The following DOK7 variants were observed in gnomAD, a reference collection of about 807,000 sequenced individuals.
DOK7 encodes protein Dok-7.
Under a neutral mutation model 30.7 loss-of-function variants are expected in DOK7, and 32 were observed. That is an observed-to-expected ratio of 1.04 (90% CI 0.79 to 1.40). DOK7 has a LOEUF of 1.40. DOK7 is among the 40% of genes most tolerant of loss of function. DOK7 has a pLI of 0.00. For missense variants in DOK7, 1,007 were observed against 699.2 expected (o/e 1.44, Z -4.97); for synonymous variants, 447 against 324.1 (o/e 1.38, Z -4.07).
In DOK7 at chr4:3,473,644, ACG is replaced by A; in HGVS notation, c.331+9_331+10del. On this transcript the variant is annotated intron_variant, in intron 3 of 6. Coordinates refer to ENST00000340083, the MANE Select transcript of DOK7 (RefSeq NM_173660.5). ...GCTATGCGCTCGGCGAGGGTGAGTGACGGGGGCCGGGGCCGGGCGGGGGCTCC... is the reference window on the plus strand; with the variant it reads ...GCTATGCGCTCGGCGAGGGTGAGTGAGGGGCCGGGGCCGGGCGGGGGCTCC... 1 of 1,546,300 alleles carries A rather than the reference ACG, an allele frequency of 6.5e-7. No homozygotes were observed. Among genetic ancestry groups the A allele is most frequent in the Non-Finnish European group, 8.8e-7 (1 of 1,140,720 alleles).
intron 5 of DOK7, among the ~76,000 whole-genome samples, chr4:3,489,000 G>A (rs374800699): frequency 1.3e-5 from 2 of 152,234 alleles, no homozygotes; most frequent in African/African-American, 4.8e-5. Flanking sequence ...GTGCTGAGGG[G>A]CCAGTGAGAG....
intron 5 of DOK7, among the ~76,000 whole-genome samples, chr4:3,487,242 G>A (rs946473803): frequency 2.6e-5 from 4 of 152,196 alleles, no homozygotes; most frequent in Non-Finnish European, 5.9e-5. Flanking sequence ...GTTGAGCTGG[G>A]ACACTATGCT....
At chr4:3,492,138 G>C (rs1728506708) in intron 6 of DOK7, among the ~76,000 whole-genome samples, 1 of 152,246 alleles carries the variant, frequency 6.6e-6, no homozygotes, top group Non-Finnish European at 1.5e-5. Context: ...TTTCCCAAGA[G>C]CACGGGAGGG....
intron 1 of DOK7, 35 bp downstream of exon 1, chr4:3,463,464 G>T: frequency 7.2e-7 from 1 of 1,386,552 alleles, no homozygotes. Flanking sequence ...GGGGGGGGGC[G>T]CGGGCGCGGG....
rs760545801 is a variant in DOK7, at chr4:3,485,627, G to A, written c.621G>A (p.Lys207=). The stretch of plus-strand genomic sequence containing the variant: ...TCGTCCGAGGCATCTCCCCCACCAA[G>A]GGCCCCTTTGGGCTGCGGCCGGTTC... ...DCIVRGISPT[K]GPFGLRPVLP... Residue 207 remains lysine (K), a synonymous_variant, in exon 5 of 7, where the codon AAG becomes AAA. Transcript: ENST00000340083. 1.2e-6 allele frequency: 2 copies of A among 1,603,674 alleles called. No individual in the cohort carries two copies. The highest frequency in any genetic ancestry group is 1.7e-5 in the Admixed American group (1 of 59,312).
chr4:3,499,501 G>A (rs1361056058), intron 6 of DOK7, among the ~76,000 whole-genome samples: 2 of 152,292 alleles, frequency 1.3e-5, no homozygotes, highest in South Asian at 2.1e-4. Context: ...AGGAGGGGCC[G>A]GTGTGCGTCC....
rs752697661 is a variant in DOK7 at position 3,473,540 on chromosome 4, G to C, written c.235G>C (p.Ala79Pro). Reference protein sequence around the residue: ...LPYEGLVHTLAIVCLSQAIML... With the variant: ...LPYEGLVHTLPIVCLSQAIML... ...CTACGAGGGCCTGGTCCACACGCTG[G>C]CCATTGTCTGCCTGTCCCAGGCCAT... The change falls in exon 3 of 7, where the codon GCC becomes CCC. Residue 79 changes from alanine (A) to proline (P), a missense_variant. By Grantham distance (27) the Ala-to-Pro change is conservative (BLOSUM62 -1). Coordinates refer to ENST00000340083, the MANE Select transcript of DOK7 (RefSeq NM_173660.5). 3 of 1,610,872 alleles carry C rather than the reference G, an allele frequency of 1.9e-6. No homozygotes were observed. Among genetic ancestry groups the C allele is most frequent in the Non-Finnish European group, 2.5e-6 (3 of 1,179,602 alleles).
exon 7 of DOK7, chr4:3,500,403 G>A: frequency 1.3e-6 from 2 of 1,535,836 alleles, no homozygotes; most frequent in Non-Finnish European, 1.7e-6. Flanking sequence ...GGGTGTCCGA[G>A]GTGGGTCCCC....
Position 3,473,314 on chromosome 4 carries a change from C to T in DOK7, c.101-92C>T, listed in dbSNP as rs1163891005. On this transcript the variant is annotated intron_variant, in intron 2 of 6. Coordinates refer to ENST00000340083, the MANE Select transcript of DOK7 (RefSeq NM_173660.5). ...CTGGCTTGAGGTCATGACCCCAGCC[C>T]GGGTCTCTGCACTGTCACGGCCTCC... 1.4e-5 allele frequency: 18 copies of T among 1,306,814 alleles called. No individual in the cohort carries two copies. In the East Asian group the frequency reaches 2.5e-4, roughly 18 times the overall value. 81.0% of individuals were successfully genotyped at this position (1,306,814 alleles called of 1,614,324 possible). A position where few individuals can be genotyped will look rare whatever the true frequency, so the allele number is the denominator to read the frequency against.
intron 6 of DOK7, among the ~76,000 whole-genome samples, chr4:3,490,368 TTCCTTCCCCCCACCC>T (rs1728204194): frequency 1.6e-5 from 1 of 61,510 alleles, no homozygotes; most frequent in Non-Finnish European, 3.0e-5. Flanking sequence ...CATTCATTCC[TTCCTTCCCCCCACCC>T]CCTGCTCATT....
In DOK7 at chr4:3,493,412, G is replaced by A; in HGVS notation, c.1426G>A (p.Glu476Lys). The A allele has an allele frequency of 6.3e-7, 1 of 1,598,372 alleles. No homozygotes were observed. Among genetic ancestry groups the A allele is most frequent in the Non-Finnish European group, 8.5e-7 (1 of 1,172,826 alleles). Residue 476 changes from glutamate (E) to lysine (K), a missense_variant, in exon 7 of 7, where the codon GAA (glutamate) becomes AAA (lysine). Glu to Lys is a moderately conservative substitution (Grantham distance 56). Coordinates refer to ENST00000340083, the MANE Select transcript of DOK7 (RefSeq NM_173660.5). ...TGGCCCTGCCCCTGGCGAGCCCTGGGAAGCAGGCGGCCCCCACGCGGGGCC... is the reference window on the plus strand; with the variant it reads ...TGGCCCTGCCCCTGGCGAGCCCTGGAAAGCAGGCGGCCCCCACGCGGGGCC... ...LPGPAPGEPW[E>K]AGGPHAGPPP...
intron 6 of DOK7, among the ~76,000 whole-genome samples, chr4:3,490,490 CTTCCTTTTCCCCCTGCTCATTCT>C (rs1728251036): frequency 7.4e-6 from 1 of 135,178 alleles, no homozygotes; most frequent in Non-Finnish European, 1.6e-5. Flanking sequence ...TCATTCATTC[CTTCCTTTTCCCCCTGCTCATTCT>C]TTCCTTCACC....
At chr4:3,481,006 T>C (rs1577159266) in intron 4 of DOK7, among the ~76,000 whole-genome samples, 1 of 150,504 alleles carries the variant, frequency 6.6e-6, no homozygotes, top group Non-Finnish European at 1.5e-5. Flanking sequence ...TGTCAGAGGG[T>C]AAGGGGTGGA....
downstream of DOK7, among the ~76,000 whole-genome samples, chr4:3,499,354 G>A (rs1190709446): frequency 6.6e-6 from 1 of 152,186 alleles, no homozygotes; most frequent in Non-Finnish European, 1.5e-5. Context: ...GGGGGGACTT[G>A]CTGTCACCTC....
chr4:3,493,614 C>T lies in DOK7; in HGVS notation c.*113C>T, dbSNP rs549711473. The T allele has an allele frequency of 7.3e-5, 110 of 1,507,342 alleles. No individual in the cohort carries two copies. The highest frequency in any genetic ancestry group is 4.6e-4 in the Middle Eastern group (2 of 4,350). The allele number at this position is 1,507,342 out of a possible 1,614,324, so 93.4% of individuals were successfully genotyped here. A position where few individuals can be genotyped will look rare whatever the true frequency, so the allele number is the denominator to read the frequency against. Reference sequence around the variant, plus strand: ...GTGCTCTGTGTTCTGTGGGAGGGACCGGGGGTCTCCCGGAGAGGGGAGCTG... The same window carrying T: ...GTGCTCTGTGTTCTGTGGGAGGGACTGGGGGTCTCCCGGAGAGGGGAGCTG... On this transcript the variant is annotated 3_prime_UTR_variant, in exon 7 of 7. Transcript: ENST00000340083.
At chr4:3,477,490 G>A (rs780320906) in intron 4 of DOK7, among the ~76,000 whole-genome samples, 5 of 152,268 alleles carry the variant, frequency 3.3e-5, no homozygotes, top group Admixed American at 6.5e-5. Flanking sequence ...GCTGGGGCAC[G>A]GGCGCAAGCC....
chr4:3,493,846 G>C lies in DOK7; in HGVS notation c.*345G>C, dbSNP rs1577185600. 2 of 1,183,890 alleles carry C rather than the reference G, an allele frequency of 1.7e-6. No homozygotes were observed. The highest frequency in any genetic ancestry group is 2.1e-6 in the Non-Finnish European group (2 of 955,028). The allele number at this position is 1,183,890 out of a possible 1,614,324, so 73.3% of individuals were successfully genotyped here. A position where few individuals can be genotyped will look rare whatever the true frequency, so the allele number is the denominator to read the frequency against. Reference sequence around the variant, plus strand: ...TGCACTGGGGTGCCAAGGGCTGGAGGCCCTGCCGCTGGCCTTGTCCTCCTT... The same window carrying C: ...TGCACTGGGGTGCCAAGGGCTGGAGCCCCTGCCGCTGGCCTTGTCCTCCTT... On this transcript the variant is annotated 3_prime_UTR_variant, in exon 7 of 7. Coordinates refer to ENST00000340083, the MANE Select transcript of DOK7 (RefSeq NM_173660.5).
At chr4:3,495,095 C>G (rs1362543914), downstream of DOK7, among the ~76,000 whole-genome samples, 1 of 152,136 alleles carries the variant, frequency 6.6e-6, no homozygotes, top group Non-Finnish European at 1.5e-5. Context: ...CTGGGTGACC[C>G]TACAAGCCCC....
exon 8 of DOK7, chr4:3,500,810 G>A (rs1330136871): frequency 3.9e-6 from 6 of 1,532,688 alleles, no homozygotes; most frequent in Non-Finnish European, 5.2e-6. Context: ...AGCAGAGGAA[G>A]GCAGCCCCGC....
Sources: allele counts gnomAD v4.1 joint callset (sites outside exome capture counted in the v4.1 genomes callset), GRCh38; gene constraint gnomAD v4.1.1; transcripts MANE v1.5; gene names NCBI Gene and HGNC (gene_info 2026-07-23, HGNC 2026-07-21).